SLC25A3: variants seen among roughly 807,000 people sequenced by gnomAD.
The protein encoded by SLC25A3 is solute carrier family 25 member 3.
SLC25A3 carries 14 observed loss-of-function variants against 37.1 expected under a neutral mutation model. The observed-to-expected ratio is 0.38, with a 90% CI of 0.25 to 0.59. The LOEUF is 0.59. SLC25A3 is among the 20% of genes least tolerant of loss of function. The pLI, the probability that SLC25A3 is intolerant of heterozygous loss-of-function variation, is 0.67. For missense variants in SLC25A3, 385 were observed against 458.1 expected (o/e 0.84, Z 1.46); for synonymous variants, 161 against 168.7 (o/e 0.95, Z 0.36).
In SLC25A3 at chr12:98,604,263, A is replaced by AATATATATATATATATAT. The variant is rs71436922; in HGVS notation, c.*2742_*2759dup. 7 of 134,590 alleles carry AATATATATATATATATAT rather than the reference A, an allele frequency of 5.2e-5. No individual in the cohort carries two copies. The highest frequency in any genetic ancestry group is 2.0e-4 in the African/African-American group (7 of 34,844). The allele number at this position is 134,590 out of a possible 1,614,324, so 8.3% of individuals were successfully genotyped here. A position where few individuals can be genotyped will look rare whatever the true frequency, so the allele number is the denominator to read the frequency against. ...GCGAAACTCTGTCTCAAAAAAAAAAAATATATATATATATATATATATATG... is the reference window on the plus strand; with the variant it reads ...GCGAAACTCTGTCTCAAAAAAAAAAAATATATATATATATATATATATATATATATATATATATATATG... On this transcript the variant is annotated 3_prime_UTR_variant, in exon 8 of 8. Coordinates refer to ENST00000552981, the MANE Select transcript of SLC25A3 (RefSeq NM_002635.4).
At chr12:98,597,726 A>G in intron 3 of SLC25A3, 130 bp from the exon 4 acceptor site, 1 of 1,322,762 alleles carries the variant, frequency 7.6e-7, no homozygotes, top group African/African-American at 1.5e-5. Flanking sequence ...GCCTGGCAGG[A>G]ATTACTGTAG....
Position 98,604,263 on chromosome 12 carries a change from A to AAAAAAT in SLC25A3, c.*2736_*2737insAAAATA, listed in dbSNP as rs1302964992. ...GCGAAACTCTGTCTCAAAAAAAAAA[A>AAAAAAT]ATATATATATATATATATATATATG... On this transcript the variant is annotated 3_prime_UTR_variant, in exon 8 of 8. Coordinates refer to ENST00000552981, the MANE Select transcript of SLC25A3 (RefSeq NM_002635.4). The AAAAAAT allele has an allele frequency of 3.8e-4, 51 of 134,568 alleles. No individual in the cohort carries two copies. The highest frequency in any genetic ancestry group is 9.7e-4 in the African/African-American group (34 of 34,882). 8.3% of individuals were successfully genotyped at this position (134,568 alleles called of 1,614,324 possible).
intron 1 of SLC25A3, 105 bp from the exon 2 acceptor site, chr12:98,593,869 AG>A (rs2097590529): frequency 7.6e-7 from 1 of 1,310,220 alleles, no homozygotes; most frequent in Non-Finnish European, 1.1e-6. Context: ...GACCTCTTCA[AG>A]GGCGTGGAGA....
In SLC25A3 at chr12:98,600,191, G is replaced by A. The variant is rs187361536; in HGVS notation, c.814+64G>A. ...ACAAATAATCATTTCCATTATTGGCGTTTTTTGAGAGGGAAAAATACTCCA... is the reference window on the plus strand; with the variant it reads ...ACAAATAATCATTTCCATTATTGGCATTTTTTGAGAGGGAAAAATACTCCA... On this transcript the variant is annotated intron_variant, in intron 6 of 7. Coordinates refer to ENST00000552981, the MANE Select transcript of SLC25A3 (RefSeq NM_002635.4). 36 of 1,192,848 alleles carry A rather than the reference G, an allele frequency of 3.0e-5. 1 individual carries two copies. The highest frequency in any genetic ancestry group is 2.2e-4 in the African/African-American group (15 of 66,966). 73.9% of individuals were successfully genotyped at this position (1,192,848 alleles called of 1,614,324 possible).
At chr12:98,598,297 CT>C in intron 4 of SLC25A3, 1 of 739,446 alleles carries the variant, frequency 1.4e-6, no homozygotes, top group Non-Finnish European at 2.2e-6. Context: ...TCTGGGACTC[CT>C]TTGCGTAGTT....
intron 5 of SLC25A3, 73 bp downstream of exon 5, chr12:98,598,776 T>G (rs556319734): frequency 8.4e-5 from 121 of 1,435,278 alleles, no homozygotes; most frequent in Middle Eastern, 4.6e-4. Flanking sequence ...TTTGTTTTTT[T>G]TTTTGTTTTG....
chr12:98,598,761 T>G (rs1472903117), intron 5 of SLC25A3, 58 bp downstream of exon 5: 1 of 1,449,396 alleles, frequency 6.9e-7, no homozygotes, highest in Non-Finnish European at 9.4e-7. Context: ...TGAACTTCAT[T>G]TTTTTTTGTT....
intron 2 of SLC25A3, 188 bp downstream of exon 2, chr12:98,594,323 TC>T (rs761432235): frequency 1.4e-6 from 1 of 706,218 alleles, no homozygotes. Flanking sequence ...TCCTTGGCCT[TC>T]CCTCAAGGGC....
At position 98,595,425 on chromosome 12, in the gene SLC25A3, TCAAA is replaced by T. The variant is rs751357155; in HGVS notation, c.158-299_158-296del. On this transcript the variant is annotated intron_variant, in intron 2 of 7. Coordinates refer to ENST00000552981, the MANE Select transcript of SLC25A3 (RefSeq NM_002635.4). Reference sequence around the variant, plus strand: ...ACTTACTTGATTTTTTTTTTTCCAATCAAACAGAGCAGTATAGCTGTGACTATGG... The same window carrying T: ...ACTTACTTGATTTTTTTTTTTCCAATCAGAGCAGTATAGCTGTGACTATGG... 213 of 1,613,254 alleles carry T rather than the reference TCAAA, an allele frequency of 1.3e-4. No homozygotes were observed. In the East Asian group the frequency reaches 4.1e-3, roughly 31 times the overall value.
In SLC25A3 at chr12:98,594,125, C is replaced by A. The variant is rs370367708; in HGVS notation, c.147C>A (p.Ala49=). The change falls in exon 2 of 8, where the codon GCC becomes GCA. Residue 49 remains alanine (A), a synonymous_variant. Transcript: ENST00000552981. ...GCCGCCCTCGCAACCTGGCAGCCGC[C>A]GCCGTGGAAGGTGAGATCAGACCCT... is the stretch of plus-strand genomic sequence containing the variant. ...QPRRPRNLAA[A]AVEEYSCEFG... The A allele has an allele frequency of 3.1e-5, 50 of 1,610,666 alleles. 1 individual carries two copies. In the South Asian group the frequency reaches 4.6e-4, roughly 15 times the overall value.
chr12:98,594,471 A>G, intron 2 of SLC25A3: 1 of 648,260 alleles, frequency 1.5e-6, no homozygotes, highest in East Asian at 2.7e-5. Flanking sequence ...TCCCGAAACT[A>G]CTGACCACCC....
intron 1 of SLC25A3, 82 bp downstream of exon 1, chr12:98,593,822 G>A: frequency 3.8e-6 from 3 of 795,352 alleles, no homozygotes; most frequent in South Asian, 3.2e-5. Flanking sequence ...TTTGGCGGTG[G>A]GCCCAGCCGG....
chr12:98,598,148 G>A, intron 4 of SLC25A3, 113 bp downstream of exon 4: 1 of 1,018,240 alleles, frequency 9.8e-7, no homozygotes, highest in Non-Finnish European at 1.5e-6. Flanking sequence ...GTCCTACAAA[G>A]TGAGCAACTT....
chr12:98,601,689 A>G lies in SLC25A3; in HGVS notation c.*161A>G, dbSNP rs571494116. The G allele has an allele frequency of 1.1e-5, 7 of 641,186 alleles. No individual in the cohort carries two copies. Among genetic ancestry groups the G allele is most frequent in the African/African-American group, 7.3e-5 (4 of 54,818 alleles). The allele number at this position is 641,186 out of a possible 1,614,324, so 39.7% of individuals were successfully genotyped here. On this transcript the variant is annotated 3_prime_UTR_variant, in exon 8 of 8. Transcript: ENST00000552981. Reference sequence around the variant, plus strand: ...CAAGAGTTTCAGATTTACTGTTGAAATAAACCCAACTCTTCATGATTTGCC... The same window carrying G: ...CAAGAGTTTCAGATTTACTGTTGAAGTAAACCCAACTCTTCATGATTTGCC...
In SLC25A3 at chr12:98,595,816, G is replaced by T; in HGVS notation, c.247G>T (p.Val83Phe). ...LSCGLTHTAV[V>F]PLDLVKCRMQ... ...TTGTGGTCTGACACACACTGCTGTG[G>T]TTCCCCTGGATTTAGTGAAATGCCG... Residue 83 changes from valine (V) to phenylalanine (F), a missense_variant, in exon 3 of 8, where the codon GTT (valine) becomes TTT (phenylalanine). Coordinates refer to ENST00000552981, the MANE Select transcript of SLC25A3 (RefSeq NM_002635.4). 6.2e-7 allele frequency: 1 copy of T among 1,614,184 alleles called. No individual in the cohort carries two copies. Among genetic ancestry groups the T allele is most frequent in the Non-Finnish European group, 8.5e-7 (1 of 1,180,032 alleles).
chr12:98,602,013 G>T lies in SLC25A3; in HGVS notation c.*485G>T. On this transcript the variant is annotated 3_prime_UTR_variant, in exon 8 of 8. Transcript: ENST00000552981. ...GTGTATACTTACATTTTTGCAGCAT[G>T]TACTACACCTTTTTTATGTTGGTGA... 5.8e-6 allele frequency: 1 copy of T among 172,466 alleles called. No homozygotes were observed. Among genetic ancestry groups the T allele is most frequent in the Non-Finnish European group, 1.2e-5 (1 of 80,480 alleles). The allele number at this position is 172,466 out of a possible 1,614,324, so 10.7% of individuals were successfully genotyped here. A position where few individuals can be genotyped will look rare whatever the true frequency, so the allele number is the denominator to read the frequency against.
intron 3 of SLC25A3, chr12:98,597,616 G>A (rs1333824818): frequency 4.3e-6 from 2 of 466,892 alleles, no homozygotes; most frequent in Non-Finnish European, 7.7e-6. Context: ...TAGAGATGGG[G>A]TTTCACTGTG....
chr12:98,594,173 A>G (rs373572062), intron 2 of SLC25A3, 38 bp downstream of exon 2: 21 of 1,535,046 alleles, frequency 1.4e-5, no homozygotes, highest in Middle Eastern at 1.7e-4. Context: ...CGTGTGGTCT[A>G]CTTGTGGGCC....
rs1481902909 is a variant in SLC25A3 at position 98,601,818 on chromosome 12, A to G, written c.*290A>G. 1 of 337,920 alleles carries G rather than the reference A, an allele frequency of 3.0e-6. No individual in the cohort carries two copies. The highest frequency in any genetic ancestry group is 3.5e-5 in the South Asian group (1 of 28,522). The allele number at this position is 337,920 out of a possible 1,614,324, so 20.9% of individuals were successfully genotyped here. On this transcript the variant is annotated 3_prime_UTR_variant, in exon 8 of 8. Coordinates refer to ENST00000552981, the MANE Select transcript of SLC25A3 (RefSeq NM_002635.4). ...AAAAAATACAAAACTGACCATGACC[A>G]TTGTTGGTTGAATATTCCAGTTGCT...
Sources: allele counts gnomAD v4.1 joint callset, GRCh38; gene constraint gnomAD v4.1.1; transcripts MANE v1.5; gene names NCBI Gene and HGNC (gene_info 2026-07-23, HGNC 2026-07-21).